Variants in CA4 observed in about 807,000 individuals in gnomAD.
CA4 encodes CA-IV.
In CA4, 24 loss-of-function variants were observed where a neutral mutation model predicts 34.5. The ratio of observed to expected loss-of-function variants is 0.70; its 90% CI spans 0.50 to 0.98. The LOEUF is 0.98. Ranked by LOEUF, CA4 falls within the 50% of genes least tolerant of loss-of-function variation. The pLI is 0.00. For synonymous variants in CA4, 178 were observed against 170.6 expected, an observed-to-expected ratio of 1.04 and a Z score of -0.34; for missense variants, 394 against 396.7, an observed-to-expected ratio of 0.99 and a Z score of 0.06.
chr17:60,173,635 T>C (rs1308280947), downstream of CA4, among the ~76,000 whole-genome samples: 1 of 152,228 alleles, frequency 6.6e-6, no homozygotes, highest in Non-Finnish European at 1.5e-5. Flanking sequence ...ATATCATCTT[T>C]CCCTAATGAG....
downstream of CA4, chr17:60,159,588 C>A (rs949912983): frequency 1.3e-6 from 1 of 772,736 alleles, no homozygotes; most frequent in African/African-American, 1.7e-5. Flanking sequence ...ACTACCCCAC[C>A]CTGTCCCCCT....
chr17:60,154,017 G>A (rs1207424417), intron 1 of CA4, among the ~76,000 whole-genome samples: 1 of 152,186 alleles, frequency 6.6e-6, no homozygotes, highest in African/African-American at 2.4e-5. Flanking sequence ...TCCCCACTCC[G>A]GGGACTCTAC....
downstream of CA4, among the ~76,000 whole-genome samples, chr17:60,160,514 AG>A (rs1436903169): frequency 6.6e-6 from 1 of 151,954 alleles, no homozygotes; most frequent in Non-Finnish European, 1.5e-5. Context: ...CTGTAATTCC[AG>A]CACTTTGGGA....
downstream of CA4, among the ~76,000 whole-genome samples, chr17:60,161,683 C>T (rs1298690382): frequency 6.6e-6 from 1 of 151,964 alleles, no homozygotes; most frequent in African/African-American, 2.4e-5. Context: ...CTCCCTTTCC[C>T]TCCGTCTTCC....
In CA4 at chr17:60,157,533, C is replaced by T. The variant is rs148870395; in HGVS notation, c.375C>T (p.Gly125=). Residue 125 remains glycine (G), a synonymous_variant, in exon 4 of 8, where the codon GGC becomes GGT. Coordinates refer to ENST00000300900, the MANE Select transcript of CA4 (RefSeq NM_000717.5). The part of the protein sequence containing the change: ...HLHWSDLPYK[G]SEHSLDGEHF... ...ACTGGTCCGACTTGCCATATAAGGG[C>T]TCGGAGCACAGCCTCGATGGGGAGC... 3.1e-4 allele frequency: 506 copies of T among 1,614,234 alleles called. No homozygotes were observed. The African/African-American group carries it at 6.2e-3, about 20-fold the overall frequency.
At chr17:60,158,740 T>A in intron 7 of CA4, 1 of 500,900 alleles carries the variant, frequency 2.0e-6, no homozygotes, top group Non-Finnish European at 3.6e-6. Context: ...AGGACCCAAA[T>A]CCCTACCCTT....
At chr17:60,171,377 A>G (rs973444638), downstream of CA4, among the ~76,000 whole-genome samples, 5 of 152,138 alleles carry the variant, frequency 3.3e-5, no homozygotes, top group Non-Finnish European at 7.4e-5. Context: ...GCTGCTCCCT[A>G]TGGATGTCCA....
At chr17:60,150,186 G>A (rs776261221) in intron 1 of CA4, 94 bp downstream of exon 1, 3 of 1,051,652 alleles carry the variant, frequency 2.9e-6, no homozygotes, top group East Asian at 2.7e-5. Flanking sequence ...GCGGGCGACC[G>A]GTGAGCGTCG....
intron 5 of CA4, among the ~76,000 whole-genome samples, chr17:60,164,728 A>G (rs1332119854): frequency 6.6e-6 from 1 of 152,088 alleles, no homozygotes. Flanking sequence ...CCTCTGTGCC[A>G]GGGACAGAGG....
intron 1 of CA4, among the ~76,000 whole-genome samples, chr17:60,153,118 A>C (rs1274077984): frequency 6.6e-6 from 1 of 152,148 alleles, no homozygotes; most frequent in Non-Finnish European, 1.5e-5. Context: ...CGGGTGGATC[A>C]TTTGAGGTCA....
chr17:60,153,440 G>A (rs144783735), intron 1 of CA4, among the ~76,000 whole-genome samples: 15 of 152,240 alleles, frequency 9.9e-5, no homozygotes, highest in East Asian at 1.9e-4. Context: ...TATATACAAC[G>A]CATTGAATGC....
chr17:60,169,024 A>AAG (rs1235754826), intron 5 of CA4, among the ~76,000 whole-genome samples: 13 of 152,142 alleles, frequency 8.5e-5, no homozygotes, highest in Admixed American at 3.3e-4. Flanking sequence ...AGGTGGGCAG[A>AAG]TCACCTGAAG....
Position 60,158,090 on chromosome 17 carries a change from G to GC in CA4, c.545dup (p.Leu183ThrfsTer7). 6.2e-7 allele frequency: 1 copy of GC among 1,614,066 alleles called. No individual in the cohort carries two copies. The highest frequency in any genetic ancestry group is 1.3e-5 in the African/African-American group (1 of 75,036). On this transcript the variant is annotated frameshift_variant, in exon 6 of 8. Coordinates refer to ENST00000300900, the MANE Select transcript of CA4 (RefSeq NM_000717.5). LOFTEE classifies it high-confidence loss of function. Reference sequence around the variant, plus strand: ...GAACCCAGGTGAACGAGGGCTTCCAGCCACTGGTGGAGGCACTGTCTAATA... The same window carrying GC: ...GAACCCAGGTGAACGAGGGCTTCCAGCCCACTGGTGGAGGCACTGTCTAATA...
chr17:60,178,759 T>C, the CA4 span, among the ~76,000 whole-genome samples: 8 of 152,222 alleles, frequency 5.3e-5, no homozygotes, highest in Non-Finnish European at 1.2e-4. Context: ...TAAGAATCAT[T>C]TGCACACCTT....
the CA4 span, among the ~76,000 whole-genome samples, chr17:60,177,442 ATAGT>A: frequency 1.3e-5 from 2 of 152,368 alleles, no homozygotes; most frequent in South Asian, 2.1e-4. Context: ...AATGTAGTTA[ATAGT>A]TAATTTAATA....
downstream of CA4, among the ~76,000 whole-genome samples, chr17:60,171,857 T>G (rs2083913857): frequency 6.6e-6 from 1 of 152,176 alleles, no homozygotes; most frequent in African/African-American, 2.4e-5. Flanking sequence ...TCGCTCAATA[T>G]TCACAGGGGG....
rs1422068381 is a variant in CA4, at chr17:60,159,215, C to T, written c.745-15C>T. On this transcript the variant is annotated splice_polypyrimidine_tract_variant and intron_variant, in intron 7 of 7. Coordinates refer to ENST00000300900, the MANE Select transcript of CA4 (RefSeq NM_000717.5). ...TCCCCCTGCCCCGACCTGCTGAGCC[C>T]CATCACTTCCGCAGATCCTGGCATT... is the stretch of plus-strand genomic sequence containing the variant. 9 of 1,587,450 alleles carry T rather than the reference C, an allele frequency of 5.7e-6. No homozygotes were observed. The highest frequency in any genetic ancestry group is 1.3e-5 in the African/African-American group (1 of 74,092).
intron 7 of CA4, chr17:60,158,917 C>A (rs1051763259): frequency 8.6e-6 from 4 of 463,638 alleles, no homozygotes; most frequent in Non-Finnish European, 1.2e-5. Flanking sequence ...GCCCGCCCCC[C>A]AGCTGATGCT....
rs184157963 is a variant in CA4, at chr17:60,158,200, C to A, written c.580+73C>A. 4.4e-6 allele frequency: 7 copies of A among 1,601,126 alleles called. No homozygotes were observed. The South Asian group carries it at 5.5e-5, about 13-fold the overall frequency. On this transcript the variant is annotated intron_variant, in intron 6 of 7. Transcript: ENST00000300900. Reference sequence around the variant, plus strand: ...TCCCACAAAGGAAGGGGTGGGTGTGCGGGGAGCTGGGCTCTCAGAGTGCAG... The same window carrying A: ...TCCCACAAAGGAAGGGGTGGGTGTGAGGGGAGCTGGGCTCTCAGAGTGCAG...
Sources: gnomAD v4.1 joint callset for allele counts (sites outside exome capture counted in the v4.1 genomes callset) on GRCh38, gnomAD v4.1.1 for gene constraint, MANE v1.5 for transcripts, NCBI Gene and HGNC (gene_info 2026-07-23, HGNC 2026-07-21) for gene names.